The following GHR variants were observed in gnomAD, a reference collection of about 807,000 sequenced individuals.
GHR encodes growth hormone receptor, also known as GH receptor.
GHR carries 35 observed loss-of-function variants against 67.1 expected under a neutral mutation model. That is an observed-to-expected ratio of 0.52 (90% CI 0.40 to 0.69). The LOEUF is 0.69. Among genes scored for constraint, GHR ranks in the 30% least tolerant of loss-of-function variants. The probability of loss-of-function intolerance (pLI) is 0.00; values close to 1 mark genes in which losing one functional copy is unlikely to be tolerated. For missense variants in GHR, 792 were observed against 764.6 expected, an observed-to-expected ratio of 1.04 and a Z score of -0.42; for synonymous variants, 272 against 269.1, an observed-to-expected ratio of 1.01 and a Z score of -0.10.
intron 2 of GHR, among the ~76,000 whole-genome samples, chr5:42,582,066 C>T (rs1751203648): frequency 6.6e-6 from 1 of 152,258 alleles, no homozygotes; most frequent in Admixed American, 6.5e-5. Flanking sequence ...TAGGCACTCT[C>T]TGGACTTTGG....
At chr5:42,701,682 T>G (rs1757937236) in intron 6 of GHR, among the ~76,000 whole-genome samples, 1 of 152,200 alleles carries the variant, frequency 6.6e-6, no homozygotes, top group South Asian at 2.1e-4. Context: ...CATTTTGCCT[T>G]TTTCGAAAAT....
At chr5:42,608,317 C>G (rs1373010118) in intron 2 of GHR, among the ~76,000 whole-genome samples, 4 of 152,122 alleles carry the variant, frequency 2.6e-5, no homozygotes, top group Admixed American at 2.6e-4. Context: ...ATTCTTATGT[C>G]ATGGATTTAT....
At chr5:42,625,378 AAC>A (rs1167054583) in intron 2 of GHR, among the ~76,000 whole-genome samples, 1 of 152,148 alleles carries the variant, frequency 6.6e-6, no homozygotes, top group Non-Finnish European at 1.5e-5. Context: ...ATACTCTCAT[AAC>A]ACAGAATATT....
intron 8 of GHR, among the ~76,000 whole-genome samples, chr5:42,715,595 CAATTG>C (rs1484501329): frequency 6.6e-6 from 1 of 152,174 alleles, no homozygotes; most frequent in East Asian, 1.9e-4. Flanking sequence ...GAGCTGTTAC[CAATTG>C]AGGAAAGAAA....
At chr5:42,538,079 G>A (rs1338554242) in intron 1 of GHR, among the ~76,000 whole-genome samples, 1 of 152,154 alleles carries the variant, frequency 6.6e-6, no homozygotes, top group Non-Finnish European at 1.5e-5. Context: ...CCTGAAGGCA[G>A]CAGATACTTG....
At chr5:42,429,779 A>C (rs1743010739) in intron 1 of GHR, among the ~76,000 whole-genome samples, 1 of 152,240 alleles carries the variant, frequency 6.6e-6, no homozygotes, top group East Asian at 1.9e-4. Context: ...TCCAAAGATA[A>C]ACAAGTTGAA....
chr5:42,679,143 TA>T (rs1240117650), intron 3 of GHR, among the ~76,000 whole-genome samples: 10 of 140,204 alleles, frequency 7.1e-5, no homozygotes, highest in Non-Finnish European at 1.1e-4. Context: ...TAATATATTA[TA>T]TATTGTATAT....
chr5:42,698,395 G>A (rs747824972), intron 5 of GHR, among the ~76,000 whole-genome samples: 3 of 152,104 alleles, frequency 2.0e-5, no homozygotes, highest in East Asian at 3.9e-4. Flanking sequence ...CACTTTAAAC[G>A]GTTAAGCTTT....
At chr5:42,582,672 A>G (rs112137284) in intron 2 of GHR, among the ~76,000 whole-genome samples, 1 of 152,318 alleles carries the variant, frequency 6.6e-6, no homozygotes, top group East Asian at 1.9e-4. Context: ...ACAAGAACAG[A>G]AGAGCTACAG....
chr5:42,527,108 C>T (rs1423185463), intron 1 of GHR, among the ~76,000 whole-genome samples: 3 of 152,138 alleles, frequency 2.0e-5, no homozygotes, highest in African/African-American at 7.2e-5. Flanking sequence ...AAGACAGCTA[C>T]CATCTAATAC....
At chr5:42,670,840 A>T (rs995347337) in intron 3 of GHR, among the ~76,000 whole-genome samples, 6 of 135,730 alleles carry the variant, frequency 4.4e-5, no homozygotes, top group Admixed American at 1.7e-4. Flanking sequence ...TATAATAATA[A>T]TTTTTTTTAA....
rs777099400 is a variant in GHR at position 42,718,448 on chromosome 5, T to G, written c.946-5T>G. ...ATAGATCTTCATTTTCTTTCTATTT[T>G]CTAGGAAGGAAAATTAGAGGAGGTG... is the stretch of plus-strand genomic sequence containing the variant. On this transcript the variant is annotated splice_region_variant and splice_polypyrimidine_tract_variant and intron_variant, in intron 9 of 9. Coordinates refer to ENST00000230882, the MANE Select transcript of GHR (RefSeq NM_000163.5). 5.6e-6 allele frequency: 9 copies of G among 1,599,938 alleles called. No homozygotes were observed. The highest frequency in any genetic ancestry group is 1.7e-5 in the Admixed American group (1 of 59,960).
intron 1 of GHR, among the ~76,000 whole-genome samples, chr5:42,562,473 G>A (rs570211562): frequency 6.6e-6 from 1 of 152,164 alleles, no homozygotes. Flanking sequence ...GCAGTGAACT[G>A]CATTCACCTC....
intron 3 of GHR, among the ~76,000 whole-genome samples, chr5:42,634,761 C>T (rs1754093598): frequency 6.6e-6 from 1 of 152,164 alleles, no homozygotes; most frequent in South Asian, 2.1e-4. Flanking sequence ...GACCTAGTGT[C>T]ATGGGTCGGT....
intron 2 of GHR, among the ~76,000 whole-genome samples, chr5:42,612,495 A>G (rs1054526924): frequency 6.6e-6 from 1 of 152,124 alleles, no homozygotes; most frequent in African/African-American, 2.4e-5. Context: ...GTTTTTTTTA[A>G]TATATCAAAC....
Position 42,586,241 on chromosome 5 carries a change from C to G in GHR, c.70+20297C>G, listed in dbSNP as rs139631577. 5.9e-4 allele frequency among the ~76,000 whole-genome samples: 90 copies of G among 152,224 alleles called. 1 individual carries two copies. The East Asian group carries it at 0.016, about 27-fold the overall frequency. On this transcript the variant is annotated intron_variant, in intron 2 of 9. Coordinates refer to ENST00000230882, the MANE Select transcript of GHR (RefSeq NM_000163.5). ...TGCTTGCCTCCCAATCTATCCCTGA[C>G]TCCTATTTTTCTTCCTCCCAACTTA...
chr5:42,694,323 T>C (rs1757565642), intron 4 of GHR, among the ~76,000 whole-genome samples: 1 of 152,220 alleles, frequency 6.6e-6, no homozygotes, highest in African/African-American at 2.4e-5. Flanking sequence ...ATAGAATGAA[T>C]ATAAGAGGCC....
chr5:42,582,720 G>T (rs1490797500), intron 2 of GHR, among the ~76,000 whole-genome samples: 1 of 152,224 alleles, frequency 6.6e-6, no homozygotes, highest in Admixed American at 6.5e-5. Context: ...CACCCTCTTT[G>T]GGGGCTCTGC....
At chr5:42,457,235 A>T (rs1412026654) in intron 1 of GHR, among the ~76,000 whole-genome samples, 6 of 152,148 alleles carry the variant, frequency 3.9e-5, no homozygotes, top group Non-Finnish European at 7.4e-5. Context: ...ATTGGATTTA[A>T]GTGGGTATAT....
Sources: allele counts gnomAD v4.1 joint callset (sites outside exome capture counted in the v4.1 genomes callset), GRCh38; gene constraint gnomAD v4.1.1; transcripts MANE v1.5; gene names NCBI Gene and HGNC (gene_info 2026-07-23, HGNC 2026-07-21).